PLCH2: variants seen among roughly 807,000 people sequenced by gnomAD.
PLCH2 encodes 1-phosphatidylinositol 4,5-bisphosphate phosphodiesterase eta-2.
In PLCH2, 98 loss-of-function variants were observed where a neutral mutation model predicts 134.7. The observed-to-expected ratio is 0.73, with a 90% CI of 0.62 to 0.86. PLCH2 has a LOEUF of 0.86. PLCH2 is among the 40% of genes least tolerant of loss of function. The pLI is 0.00. For missense variants in PLCH2, 1,994 were observed against 1,986.6 expected, an observed-to-expected ratio of 1.00 and a Z score of -0.07; for synonymous variants, 974 against 827.5, an observed-to-expected ratio of 1.18 and a Z score of -3.04.
chr1:2,445,245 C>A (rs1385103888), intron 2 of PLCH2, among the ~76,000 whole-genome samples: 1 of 152,110 alleles, frequency 6.6e-6, no homozygotes, highest in Non-Finnish European at 1.5e-5. Context: ...CCCACAGGCC[C>A]CTTCCCTGAG....
chr1:2,503,428 T>C, intron 21 of PLCH2: 1 of 596,360 alleles, frequency 1.7e-6, no homozygotes, highest in South Asian at 2.0e-5. Flanking sequence ...TGGAGCCTGC[T>C]GAGTGCTGCG....
chr1:2,431,785 C>G (rs1639085390), intron 2 of PLCH2, among the ~76,000 whole-genome samples: 1 of 152,172 alleles, frequency 6.6e-6, no homozygotes, highest in Non-Finnish European at 1.5e-5. Context: ...TGTCCCCGCC[C>G]CATGCCTGGG....
In PLCH2 at chr1:2,498,596, T is replaced by C; in HGVS notation, c.2298T>C (p.Ser766=). ...AGCAGCTGGTGCTCCGGATCATCAG[T>C]GGCCAGCAGCTTCCCAAGCCGCGCG... The part of the protein sequence containing the change: ...LKKQLVLRII[S]GQQLPKPRDS... Residue 766 remains serine (S), a synonymous_variant, in exon 17 of 22, where the codon AGT becomes AGC. Coordinates refer to ENST00000378486, the MANE Select transcript of PLCH2 (RefSeq NM_014638.4). This position sits in a 1 kb window ranked among gnomAD's most constrained non-coding sequence, Gnocchi z 5.4. 7.8e-6 allele frequency: 12 copies of C among 1,533,774 alleles called. No individual in the cohort carries two copies. The South Asian group carries it at 8.0e-5, about 10-fold the overall frequency.
At chr1:2,459,262 C>T (rs1194253018) in intron 2 of PLCH2, among the ~76,000 whole-genome samples, 5 of 152,204 alleles carry the variant, frequency 3.3e-5, no homozygotes, top group African/African-American at 4.8e-5. Context: ...TGGAGATGCA[C>T]GTGCCCCTTG....
At chr1:2,469,179 G>A (rs1270248935) in intron 1 of PLCH2, among the ~76,000 whole-genome samples, 1 of 152,212 alleles carries the variant, frequency 6.6e-6, no homozygotes, top group African/African-American at 2.4e-5. Flanking sequence ...TGGAGTCACT[G>A]CCCTGTGCTG....
chr1:2,498,966 G>C lies in PLCH2; in HGVS notation c.2435-118G>C. 1 of 1,409,834 alleles carries C rather than the reference G, an allele frequency of 7.1e-7. No individual in the cohort carries two copies. The highest frequency in any genetic ancestry group is 9.7e-7 in the Non-Finnish European group (1 of 1,027,462). The allele number at this position is 1,409,834 out of a possible 1,614,324, so 87.3% of individuals were successfully genotyped here. ...GGGCGCCCTCCCCTCTAGGTGGGCA[G>C]TCCCGGAAGCAGCACCGGGAGTGGC... On this transcript the variant is annotated intron_variant, in intron 18 of 21. Coordinates refer to ENST00000378486, the MANE Select transcript of PLCH2 (RefSeq NM_014638.4). The surrounding 1 kb of genome is among the most constrained non-coding windows in gnomAD (Gnocchi z 5.4).
chr1:2,479,624 A>G (rs1641839657), intron 2 of PLCH2, 110 bp from the exon 3 acceptor site: 2 of 1,194,164 alleles, frequency 1.7e-6, no homozygotes, highest in Non-Finnish European at 2.3e-6. Context: ...AGGGTCCCGC[A>G]AAGGTGGGCA....
chr1:2,460,855 C>A (rs1246486285), intron 2 of PLCH2, among the ~76,000 whole-genome samples: 1 of 152,200 alleles, frequency 6.6e-6, no homozygotes, highest in Non-Finnish European at 1.5e-5. Flanking sequence ...AGCCTCAGAC[C>A]CCTCAGTGCA....
chr1:2,496,504 C>T (rs1171765029), intron 13 of PLCH2, 103 bp from the exon 14 acceptor site: 39 of 935,130 alleles, frequency 4.2e-5, no homozygotes, highest in South Asian at 3.8e-4. Context: ...GGGCCTGCTG[C>T]GTGAATTAAT....
Position 2,480,110 on chromosome 1 carries a change from C to T in PLCH2, c.516-73C>T. 6.3e-6 allele frequency: 10 copies of T among 1,591,866 alleles called. No homozygotes were observed. The South Asian group carries it at 9.0e-5, about 14-fold the overall frequency. On this transcript the variant is annotated intron_variant, in intron 3 of 21. Coordinates refer to ENST00000378486, the MANE Select transcript of PLCH2 (RefSeq NM_014638.4). ...GTAGGCTGGGGTCCCCTATTCCTTC[C>T]TCCCTAGGCCAGAGGGTGGAGGTGT...
intron 2 of PLCH2, among the ~76,000 whole-genome samples, chr1:2,450,159 T>C (rs1273537468): frequency 6.6e-6 from 1 of 152,198 alleles, no homozygotes; most frequent in Non-Finnish European, 1.5e-5. Flanking sequence ...CATCCGTTGC[T>C]GTCCCCTTCT....
chr1:2,426,454 G>C (rs1380383334), intron 1 of PLCH2, among the ~76,000 whole-genome samples: 2 of 152,248 alleles, frequency 1.3e-5, no homozygotes, highest in Admixed American at 6.5e-5. Context: ...CGGGGCTGCC[G>C]TGAGCAGCCT....
rs2100727380 is a variant in PLCH2 at position 2,498,686 on chromosome 1, T to TTG, written c.2349+39_2349+40insTG. The TTG allele has an allele frequency of 3.3e-5, 9 of 275,770 alleles. No homozygotes were observed. The highest frequency in any genetic ancestry group is 4.5e-5 in the Non-Finnish European group (8 of 177,166). The allele number at this position is 275,770 out of a possible 1,614,324, so 17.1% of individuals were successfully genotyped here. A position where few individuals can be genotyped will look rare whatever the true frequency, so the allele number is the denominator to read the frequency against. On this transcript the variant is annotated intron_variant, in intron 17 of 21. Coordinates refer to ENST00000378486, the MANE Select transcript of PLCH2 (RefSeq NM_014638.4). This position sits in a 1 kb window ranked among gnomAD's most constrained non-coding sequence, Gnocchi z 5.4. Reference sequence around the variant, plus strand: ...CCACACAGGCGGGAGGGGTGGGAGTTGGGGGCGGGCCGGGCATCGCGATGG... The same window carrying TTG: ...CCACACAGGCGGGAGGGGTGGGAGTTTGGGGGGCGGGCCGGGCATCGCGATGG...
chr1:2,424,980 C>T (rs941131276), upstream of PLCH2, among the ~76,000 whole-genome samples: 4 of 151,540 alleles, frequency 2.6e-5, no homozygotes, highest in African/African-American at 7.3e-5. Context: ...AGCAAGACTC[C>T]GTCTCAAAAA....
At chr1:2,427,468 G>A (rs1346137721) in intron 1 of PLCH2, among the ~76,000 whole-genome samples, 1 of 152,228 alleles carries the variant, frequency 6.6e-6, no homozygotes, top group Non-Finnish European at 1.5e-5. Flanking sequence ...CTTGTGGGCT[G>A]GGTGGCCAGT....
intron 2 of PLCH2, among the ~76,000 whole-genome samples, chr1:2,445,012 C>G (rs2100538328): frequency 6.6e-6 from 1 of 152,236 alleles, no homozygotes; most frequent in African/African-American, 2.4e-5. Flanking sequence ...ACTGTCCTAT[C>G]TCCTGCTTGG....
chr1:2,449,618 G>A (rs569769396), intron 2 of PLCH2, among the ~76,000 whole-genome samples: 6 of 152,336 alleles, frequency 3.9e-5, no homozygotes, highest in Middle Eastern at 3.4e-3. Context: ...GCCTCTGCCT[G>A]GCCTGGGTGG....
intron 2 of PLCH2, among the ~76,000 whole-genome samples, chr1:2,449,204 C>T (rs1179996957): frequency 1.4e-5 from 2 of 141,266 alleles, no homozygotes; most frequent in East Asian, 2.3e-4. Context: ...TAAACTGGGG[C>T]GTCTGGCCAG....
At chr1:2,464,148 G>C (rs1235924942), upstream of PLCH2, among the ~76,000 whole-genome samples, 1 of 152,234 alleles carries the variant, frequency 6.6e-6, no homozygotes, top group East Asian at 1.9e-4. Flanking sequence ...CCAAGAGAGG[G>C]CTCTGGGGCT....
Sources: gnomAD v4.1 joint callset for allele counts (sites outside exome capture counted in the v4.1 genomes callset) on GRCh38, gnomAD v4.1.1 for gene constraint, Gnocchi (gnomAD v3.1) non-coding constraint, MANE v1.5 for transcripts, NCBI Gene and HGNC (gene_info 2026-07-23, HGNC 2026-07-21) for gene names.